The following CCSER2 variants were observed in gnomAD, a reference collection of about 807,000 sequenced individuals.
CCSER2 encodes the protein serine-rich coiled-coil domain-containing protein 2.
A neutral mutation model predicts 92.3 loss-of-function variants in CCSER2; 46 were observed. The ratio of observed to expected loss-of-function variants is 0.50; its 90% CI spans 0.39 to 0.64. The LOEUF (loss-of-function observed/expected upper bound fraction) is 0.64. Ranked by LOEUF, CCSER2 falls within the 30% of genes least tolerant of loss-of-function variation. CCSER2 has a pLI of 0.00. For missense variants in CCSER2, 1,244 were observed against 1,238.9 expected (o/e 1.00, Z -0.06); for synonymous variants, 433 against 431.4 (o/e 1.00, Z -0.04).
At chr10:84,444,313 T>C (rs1187446521) in intron 6 of CCSER2, among the ~76,000 whole-genome samples, 1 of 152,132 alleles carries the variant, frequency 6.6e-6, no homozygotes, top group Non-Finnish European at 1.5e-5. Context: ...AAAAAATTAC[T>C]GTAAGGGATA....
chr10:84,331,238 G>C (rs1318736895), intron 1 of CCSER2, among the ~76,000 whole-genome samples: 3 of 152,112 alleles, frequency 2.0e-5, no homozygotes, highest in Non-Finnish European at 4.4e-5. Flanking sequence ...ATGGTGCTTT[G>C]GGGTGAAATG....
chr10:84,465,830 A>G (rs1846388627), intron 7 of CCSER2, among the ~76,000 whole-genome samples: 1 of 151,738 alleles, frequency 6.6e-6, no homozygotes, highest in Non-Finnish European at 1.5e-5. Flanking sequence ...GGCTCACTGC[A>G]AGCTCAGCCT....
intron 5 of CCSER2, among the ~76,000 whole-genome samples, chr10:84,435,880 G>A (rs1324676147): frequency 6.6e-6 from 1 of 152,130 alleles, no homozygotes; most frequent in African/African-American, 2.4e-5. Context: ...CTCTGAAGTA[G>A]TGTCAGCTGA....
chr10:84,376,190 G>C (rs1001956939), intron 3 of CCSER2, among the ~76,000 whole-genome samples: 1 of 152,094 alleles, frequency 6.6e-6, no homozygotes, highest in Non-Finnish European at 1.5e-5. Context: ...CATAACACCA[G>C]TCTAGAATCC....
At chr10:84,401,382 G>C (rs913532097) in intron 3 of CCSER2, among the ~76,000 whole-genome samples, 28 of 152,104 alleles carry the variant, frequency 1.8e-4, no homozygotes, top group Admixed American at 1.4e-3. Flanking sequence ...AAACTCCACA[G>C]ACATTAAAAA....
chr10:84,439,593 G>A (rs1157020050), intron 6 of CCSER2, among the ~76,000 whole-genome samples: 3 of 152,108 alleles, frequency 2.0e-5, no homozygotes, highest in Non-Finnish European at 1.5e-5. Flanking sequence ...TAGAAATGAT[G>A]GTTAATGTAA....
intron 5 of CCSER2, among the ~76,000 whole-genome samples, chr10:84,433,659 A>G (rs544698976): frequency 6.6e-6 from 1 of 152,374 alleles, no homozygotes; most frequent in South Asian, 2.1e-4. Flanking sequence ...ATAATTATGC[A>G]ACAATGATTT....
At chr10:84,412,234 T>C (rs1290634672) in intron 3 of CCSER2, among the ~76,000 whole-genome samples, 1 of 152,210 alleles carries the variant, frequency 6.6e-6, no homozygotes, top group Non-Finnish European at 1.5e-5. Flanking sequence ...ATCAAGGATA[T>C]TGGCCTAAAG....
At chr10:84,512,687 T>G (rs1849425670) in intron 9 of CCSER2, among the ~76,000 whole-genome samples, 1 of 152,224 alleles carries the variant, frequency 6.6e-6, no homozygotes. Context: ...TAGAGGCAAC[T>G]TCACATTTGT....
intron 1 of CCSER2, among the ~76,000 whole-genome samples, chr10:84,343,472 A>G (rs1844316139): frequency 6.6e-6 from 1 of 152,186 alleles, no homozygotes; most frequent in African/African-American, 2.4e-5. Context: ...ATTATACAAA[A>G]CAAGTATTCA....
chr10:84,381,906 C>G (rs1310961578), intron 3 of CCSER2, among the ~76,000 whole-genome samples: 1 of 108,244 alleles, frequency 9.2e-6, no homozygotes, highest in Non-Finnish European at 1.8e-5. Context: ...GGTGACAGAG[C>G]AAGGCTTTCT....
chr10:84,457,246 ATATAT>A (rs1375647315), intron 6 of CCSER2, among the ~76,000 whole-genome samples: 2,131 of 68,440 alleles, frequency 0.031, 107 homozygotes, highest in African/African-American at 0.096. Context: ...ATTATATATT[ATATAT>A]TATATAAAAT....
chr10:84,425,022 T>C, intron 4 of CCSER2: 1 of 982,004 alleles, frequency 1.0e-6, no homozygotes, highest in Non-Finnish European at 1.2e-6. Context: ...TAGTGAGTGC[T>C]CAGATATGTG....
At chr10:84,329,679 G>T (rs1171864066) in intron 1 of CCSER2, among the ~76,000 whole-genome samples, 2 of 152,114 alleles carry the variant, frequency 1.3e-5, no homozygotes, top group South Asian at 4.1e-4. Flanking sequence ...TTAGACTAGA[G>T]ACTTTAGAGA....
intron 5 of CCSER2, among the ~76,000 whole-genome samples, chr10:84,429,241 G>T (rs1299695168): frequency 2.0e-5 from 3 of 151,680 alleles, no homozygotes; most frequent in East Asian, 1.9e-4. Flanking sequence ...GCAGTTTTTT[G>T]GATTGCTAAT....
At chr10:84,447,532 C>A (rs1845000128) in intron 6 of CCSER2, among the ~76,000 whole-genome samples, 1 of 152,046 alleles carries the variant, frequency 6.6e-6, no homozygotes, top group South Asian at 2.1e-4. Flanking sequence ...AAAAAAAGTT[C>A]TTGGTTTTAA....
chr10:84,374,014 A>G, intron 3 of CCSER2, 199 bp downstream of exon 3: 2 of 1,166,936 alleles, frequency 1.7e-6, no homozygotes, highest in Non-Finnish European at 2.3e-6. Context: ...TTTGACTTAA[A>G]TATACTCAAC....
intron 1 of CCSER2, among the ~76,000 whole-genome samples, chr10:84,336,851 TG>T (rs1373650950): frequency 6.6e-6 from 1 of 152,162 alleles, no homozygotes; most frequent in Non-Finnish European, 1.5e-5. Flanking sequence ...TGGGAGATGA[TG>T]ATTTTAGGCA....
chr10:84,422,098 C>G (rs899240226), intron 4 of CCSER2, among the ~76,000 whole-genome samples: 2 of 152,134 alleles, frequency 1.3e-5, no homozygotes, highest in Non-Finnish European at 2.9e-5. Flanking sequence ...GTTTCTATGA[C>G]CTGCCTTGGG....
Sources: gnomAD v4.1 joint callset for allele counts (sites outside exome capture counted in the v4.1 genomes callset) on GRCh38, gnomAD v4.1.1 for gene constraint, MANE v1.5 for transcripts, NCBI Gene and HGNC (gene_info 2026-07-23, HGNC 2026-07-21) for gene names.